TM4SF1: variants seen among roughly 807,000 people sequenced by gnomAD.
The protein encoded by TM4SF1 is transmembrane 4 L six family member 1.
TM4SF1 carries 20 observed loss-of-function variants against 24.5 expected under a neutral mutation model. That is an observed-to-expected ratio of 0.82 (90% CI 0.57 to 1.19). TM4SF1 has a LOEUF of 1.19. Among genes scored for constraint, TM4SF1 ranks in the 50% most tolerant of loss-of-function variants. TM4SF1 has a pLI of 0.00. For missense variants in TM4SF1, 258 were observed against 248.1 expected, an observed-to-expected ratio of 1.04 and a Z score of -0.27; for synonymous variants, 107 against 95.4, an observed-to-expected ratio of 1.12 and a Z score of -0.71.
At chr3:149,375,311 A>C in intron 3 of TM4SF1, 132 bp downstream of exon 3, 2 of 1,152,892 alleles carry the variant, frequency 1.7e-6, no homozygotes, top group Non-Finnish European at 2.5e-6. Context: ...ACCATGCCTG[A>C]GTCAGTGAGA....
At chr3:149,372,227 T>A (rs1354277392) in intron 3 of TM4SF1, among the ~76,000 whole-genome samples, 1 of 152,174 alleles carries the variant, frequency 6.6e-6, no homozygotes, top group Non-Finnish European at 1.5e-5. Context: ...GATTCATGTA[T>A]GTGTAGGAAG....
At position 149,371,782 on chromosome 3, in the gene TM4SF1, AGAG is replaced by A. The variant is rs1482087880; in HGVS notation, c.496_498del (p.Leu167del). On this transcript the variant is annotated inframe_deletion, in exon 4 of 5. Transcript: ENST00000305366. ...ATGAATTCAATTCCACCAAGAGCCAAGAGGATAGAAAACAGAGATACATTCCAT... is the reference window on the plus strand; with the variant it reads ...ATGAATTCAATTCCACCAAGAGCCAAGATAGAAAACAGAGATACATTCCAT... 1 of 1,614,178 alleles carries A rather than the reference AGAG, an allele frequency of 6.2e-7. No homozygotes were observed. Among genetic ancestry groups the A allele is most frequent in the Non-Finnish European group, 8.5e-7 (1 of 1,180,028 alleles).
chr3:149,370,478 CTAAG>C (rs1329569914), intron 4 of TM4SF1: 2 of 152,448 alleles, frequency 1.3e-5, no homozygotes, highest in Admixed American at 6.5e-5. Flanking sequence ...CCAAAACGTA[CTAAG>C]TGAGTACATT....
intron 4 of TM4SF1, chr3:149,371,413 A>T: frequency 1.7e-6 from 1 of 577,626 alleles, no homozygotes. Flanking sequence ...GAGGCAGTGA[A>T]TTAGATCCTG....
At chr3:149,373,207 A>T (rs943040811) in intron 3 of TM4SF1, among the ~76,000 whole-genome samples, 1 of 152,236 alleles carries the variant, frequency 6.6e-6, no homozygotes, top group African/African-American at 2.4e-5. Flanking sequence ...AAAGCAGTTG[A>T]ATGATAAATA....
In TM4SF1 at chr3:149,375,727, C is replaced by A; in HGVS notation, c.220G>T (p.Asp74Tyr). The change falls in exon 2 of 5, where the codon GAC becomes TAC. Residue 74 changes from aspartate to tyrosine, a missense_variant. Physicochemically the swap from Asp to Tyr is radical, Grantham distance 160. Transcript: ENST00000305366. ...TCATGGCCACAGCAGCCACAGCAGTCATCCTGTTCCAGCCCAATGAAGACA... is the reference window on the plus strand; with the variant it reads ...TCATGGCCACAGCAGCCACAGCAGTAATCCTGTTCCAGCCCAATGAAGACA... Reference protein sequence around the residue: ...AFVFIGLEQDDCCGCCGHENC... With the variant: ...AFVFIGLEQDYCCGCCGHENC... 1 of 1,614,216 alleles carries A rather than the reference C, an allele frequency of 6.2e-7. No individual in the cohort carries two copies. Among genetic ancestry groups the A allele is most frequent in the Non-Finnish European group, 8.5e-7 (1 of 1,180,032 alleles).
chr3:149,370,360 T>G (rs2108376360), intron 4 of TM4SF1: 1 of 154,246 alleles, frequency 6.5e-6, no homozygotes, highest in South Asian at 2.0e-4. Context: ...ATCCCTACAG[T>G]GACTCAGCTG....
intron 4 of TM4SF1, chr3:149,370,189 A>C: frequency 3.7e-6 from 1 of 269,398 alleles, no homozygotes; most frequent in Non-Finnish European, 6.9e-6. Flanking sequence ...ATGCCATGGA[A>C]GTTTCACACT....
At chr3:149,375,827 G>T in intron 1 of TM4SF1, 58 bp from the exon 2 acceptor site, 7 of 1,492,974 alleles carry the variant, frequency 4.7e-6, no homozygotes, top group South Asian at 1.1e-5. Context: ...TATGGGTCAG[G>T]TTAGGCATCT....
At chr3:149,370,397 A>G (rs1443339033) in intron 4 of TM4SF1, 1 of 153,464 alleles carries the variant, frequency 6.5e-6, no homozygotes, top group Non-Finnish European at 1.4e-5. Context: ...TACTACCCCA[A>G]ATCAGAGGAG....
chr3:149,377,030 G>A (rs541586826), intron 1 of TM4SF1, among the ~76,000 whole-genome samples: 205 of 152,218 alleles, frequency 1.3e-3, no homozygotes, highest in African/African-American at 4.8e-3. Context: ...AACCCCTTCC[G>A]GCTCCCCAGA....
chr3:149,375,747 A>G lies in TM4SF1; in HGVS notation c.200T>C (p.Phe67Ser). Residue 67 changes from phenylalanine to serine, a missense_variant, in exon 2 of 5, where the codon TTC becomes TCC. Transcript: ENST00000305366. ...GCAGTCATCCTGTTCCAGCCCAATG[A>G]AGACAAATGCTGGCAGGAGCATCTG... Reference protein sequence around the residue: ...GLLMLLPAFVFIGLEQDDCCG... With the variant: ...GLLMLLPAFVSIGLEQDDCCG... 6.2e-7 allele frequency: 1 copy of G among 1,614,206 alleles called. No homozygotes were observed. Among genetic ancestry groups the G allele is most frequent in the South Asian group, 1.1e-5 (1 of 91,082 alleles).
In TM4SF1 at chr3:149,369,633, G is replaced by A; in HGVS notation, c.*233C>T. On this transcript the variant is annotated 3_prime_UTR_variant, in exon 5 of 5. Coordinates refer to ENST00000305366, the MANE Select transcript of TM4SF1 (RefSeq NM_014220.3). Reference sequence around the variant, plus strand: ...GTCTGTAAATTACCCCCAGAGGGTGGTTTGTTTCCTCATTCCTTAAAAAAA... The same window carrying A: ...GTCTGTAAATTACCCCCAGAGGGTGATTTGTTTCCTCATTCCTTAAAAAAA... The A allele has an allele frequency of 2.0e-6, 1 of 493,492 alleles. No individual in the cohort carries two copies. The highest frequency in any genetic ancestry group is 3.5e-6 in the Non-Finnish European group (1 of 283,282). The allele number at this position is 493,492 out of a possible 1,614,324, so 30.6% of individuals were successfully genotyped here. A position where few individuals can be genotyped will look rare whatever the true frequency, so the allele number is the denominator to read the frequency against.
At chr3:149,370,138 T>C (rs977279574) in intron 4 of TM4SF1, 2 of 365,092 alleles carry the variant, frequency 5.5e-6, no homozygotes, top group Non-Finnish European at 9.7e-6. Context: ...TTGCTTTGAG[T>C]GCATTTGTGT....
chr3:149,377,443 T>A lies in TM4SF1; in HGVS notation c.105A>T (p.Thr35=). The part of the protein sequence containing the change: ...NILLYFPNGE[T]KYASENHLSR... Reference sequence around the variant, plus strand: ...TGAGGTGGTTTTCGGAGGCATACTTTGTTTCCCCATTGGGAAAGTAAAGCA... The same window carrying A: ...TGAGGTGGTTTTCGGAGGCATACTTAGTTTCCCCATTGGGAAAGTAAAGCA... The change falls in exon 1 of 5, where the codon ACA becomes ACT. Residue 35 remains threonine, a synonymous_variant. Coordinates refer to ENST00000305366, the MANE Select transcript of TM4SF1 (RefSeq NM_014220.3). 6.2e-7 allele frequency: 1 copy of A among 1,614,170 alleles called. No individual in the cohort carries two copies.
Position 149,375,516 on chromosome 3 carries a change from C to T in TM4SF1, c.340G>A (p.Gly114Ser). ...AGACATAGTGGTCCTTCTGCTAAGCCAAGGGCTGCCACAATGACACAGTAG... is the reference window on the plus strand; with the variant it reads ...AGACATAGTGGTCCTTCTGCTAAGCTAAGGGCTGCCACAATGACACAGTAG... ...SGYCVIVAAL[G>S]LAEGPLCLDS... is the part of the protein sequence containing the mutation. Residue 114 changes from glycine to serine, a missense_variant, in exon 3 of 5, where the codon GGC (glycine) becomes AGC (serine). Transcript: ENST00000305366. The T allele has an allele frequency of 6.2e-7, 1 of 1,614,216 alleles. No homozygotes were observed. The highest frequency in any genetic ancestry group is 1.1e-5 in the South Asian group (1 of 91,086).
rs1731773829 is a variant in TM4SF1, at chr3:149,369,696, A to G, written c.*170T>C. 2.6e-6 allele frequency: 2 copies of G among 764,302 alleles called. No homozygotes were observed. Among genetic ancestry groups the G allele is most frequent in the Non-Finnish European group, 4.0e-6 (2 of 495,192 alleles). 47.3% of individuals were successfully genotyped at this position (764,302 alleles called of 1,614,324 possible). ...TAAACAAACAAAAAAGAAGTTTACT[A>G]AATTTAAACACTGACATCCTGTGAA... On this transcript the variant is annotated 3_prime_UTR_variant, in exon 5 of 5. Transcript: ENST00000305366.
chr3:149,375,999 A>G (rs1049738294), intron 1 of TM4SF1, among the ~76,000 whole-genome samples: 3 of 152,250 alleles, frequency 2.0e-5, no homozygotes, highest in Admixed American at 2.0e-4. Flanking sequence ...TGAGGATGTA[A>G]CATGGGAGGA....
intron 4 of TM4SF1, 109 bp from the exon 5 acceptor site, chr3:149,369,989 T>TTG: frequency 7.2e-7 from 1 of 1,381,706 alleles, no homozygotes; most frequent in Non-Finnish European, 9.8e-7. Flanking sequence ...GATCTTAGCT[T>TTG]CAGCAAAGCT....
Sources: allele counts gnomAD v4.1 joint callset (sites outside exome capture counted in the v4.1 genomes callset), GRCh38; gene constraint gnomAD v4.1.1; transcripts MANE v1.5; gene names NCBI Gene and HGNC (gene_info 2026-07-23, HGNC 2026-07-21).